PLGRKT: variants seen among roughly 807,000 people sequenced by gnomAD.
The protein encoded by PLGRKT is plasminogen receptor (KT).
A neutral mutation model predicts 18.5 loss-of-function variants in PLGRKT; 22 were observed. That is an observed-to-expected ratio of 1.19 (90% CI 0.85 to 1.70). PLGRKT has a LOEUF of 1.70. Ranked by LOEUF, PLGRKT falls within the 40% of genes most tolerant of loss-of-function variation. The pLI is 0.00. For missense variants in PLGRKT, 235 were observed against 174.4 expected, an observed-to-expected ratio of 1.35 and a Z score of -1.96; for synonymous variants, 72 against 52.8, an observed-to-expected ratio of 1.36 and a Z score of -1.58.
chr9:5,371,999 T>TTTTTTTTTTTTTTTTTTTTTTTTTTTG (rs1408834287), intron 3 of PLGRKT, among the ~76,000 whole-genome samples: 2 of 142,154 alleles, frequency 1.4e-5, no homozygotes, highest in Admixed American at 7.1e-5. Flanking sequence ...TTTTTTTTTT[T>TTTTTTTTTTTTTTTTTTTTTTTTTTTG]GATATGGAGT....
intron 3 of PLGRKT, among the ~76,000 whole-genome samples, chr9:5,378,182 A>G (rs2131088341): frequency 6.6e-6 from 1 of 152,320 alleles, no homozygotes. Flanking sequence ...GAGGGAAACC[A>G]ACAGCGTAAT....
chr9:5,427,145 T>C (rs970366665), intron 3 of PLGRKT, among the ~76,000 whole-genome samples: 12 of 152,236 alleles, frequency 7.9e-5, no homozygotes, highest in Middle Eastern at 3.2e-3. Flanking sequence ...CTGAGTAATG[T>C]GATAAAATCT....
chr9:5,362,018 C>G, intron 3 of PLGRKT, 130 bp from the exon 4 acceptor site: 1 of 871,448 alleles, frequency 1.1e-6, no homozygotes, highest in South Asian at 1.6e-5. Context: ...AAAATCTCAA[C>G]AGACTTTGAC....
rs543987753 is a variant in PLGRKT at position 5,431,199 on chromosome 9, T to C, written c.81+698A>G. The stretch of plus-strand genomic sequence containing the variant: ...CTTCAAAGCCAGCAGTGTAGCATCT[T>C]CAAATCTCTCTTATACTGACTCTCA... On this transcript the variant is annotated intron_variant, in intron 3 of 5. Transcript: ENST00000223864. Among the ~76,000 whole-genome samples the C allele has an allele frequency of 5.3e-5, 8 of 152,306 alleles. No individual in the cohort carries two copies. The South Asian group carries it at 1.4e-3, about 28-fold the overall frequency.
intron 3 of PLGRKT, among the ~76,000 whole-genome samples, chr9:5,410,227 A>T (rs1818335527): frequency 6.6e-6 from 1 of 152,062 alleles, no homozygotes; most frequent in Non-Finnish European, 1.5e-5. Flanking sequence ...CTCACTATAA[A>T]CTCAAGACAT....
chr9:5,437,302 T>C (rs188554447), intron 1 of PLGRKT, among the ~76,000 whole-genome samples: 229 of 152,326 alleles, frequency 1.5e-3, no homozygotes, highest in South Asian at 4.6e-3. Context: ...CCACGCTGAC[T>C]TATTTCCCGA....
At chr9:5,415,694 G>T (rs1313305449) in intron 3 of PLGRKT, among the ~76,000 whole-genome samples, 1 of 152,160 alleles carries the variant, frequency 6.6e-6, no homozygotes, top group African/African-American at 2.4e-5. Context: ...AAAGCATTTT[G>T]TGGTTTAAGA....
At chr9:5,365,252 T>C (rs1372111059) in intron 3 of PLGRKT, among the ~76,000 whole-genome samples, 1 of 152,188 alleles carries the variant, frequency 6.6e-6, no homozygotes, top group Non-Finnish European at 1.5e-5. Flanking sequence ...ATAATAATGA[T>C]GATGGAGTAT....
chr9:5,420,420 A>G (rs1054139236), intron 3 of PLGRKT, among the ~76,000 whole-genome samples: 3 of 152,158 alleles, frequency 2.0e-5, no homozygotes, highest in African/African-American at 7.2e-5. Context: ...TTTTTTCACA[A>G]GTGAAAAAAA....
Position 5,437,791 on chromosome 9 carries a change from G to C in PLGRKT, c.-135C>G, listed in dbSNP as rs1051063714. 21 of 152,430 alleles carry C rather than the reference G, an allele frequency of 1.4e-4. No individual in the cohort carries two copies. The highest frequency in any genetic ancestry group is 4.8e-4 in the African/African-American group (20 of 41,584). The allele number at this position is 152,430 out of a possible 1,614,324, so 9.4% of individuals were successfully genotyped here. ...GCCTGCGGCCGGTGTTCACTCACTG[G>C]GCGGCGCTGGTGCCGGGACCAGGCG... On this transcript the variant is annotated splice_region_variant and 5_prime_UTR_variant, in exon 1 of 6. Transcript: ENST00000223864.
chr9:5,411,195 C>G (rs1054579481), intron 3 of PLGRKT, among the ~76,000 whole-genome samples: 7 of 151,808 alleles, frequency 4.6e-5, no homozygotes, highest in Admixed American at 4.6e-4. Context: ...ATCAGCCTGG[C>G]CAATATGGTG....
rs530617259 is a variant in PLGRKT, at chr9:5,415,636, CAT to C, written c.81+16259_81+16260del. Among the ~76,000 whole-genome samples the C allele has an allele frequency of 5.9e-5, 9 of 152,254 alleles. No homozygotes were observed. The South Asian group carries it at 1.7e-3, about 28-fold the overall frequency. On this transcript the variant is annotated intron_variant, in intron 3 of 5. Coordinates refer to ENST00000223864, the MANE Select transcript of PLGRKT (RefSeq NM_018465.4). ...AAGGTTAACACCACTAGCAATAAGACATATCAACTTCATGTATCCTCTGATAC... is the reference window on the plus strand; with the variant it reads ...AAGGTTAACACCACTAGCAATAAGACATCAACTTCATGTATCCTCTGATAC...
In PLGRKT at chr9:5,395,945, G is replaced by A. The variant is rs1267951210; in HGVS notation, c.82-34057C>T. 3.4e-5 allele frequency among the ~76,000 whole-genome samples: 5 copies of A among 146,784 alleles called. 1 individual carries two copies. Among genetic ancestry groups the A allele is most frequent in the African/African-American group, 1.3e-4 (5 of 39,270 alleles). On this transcript the variant is annotated intron_variant, in intron 3 of 5. Transcript: ENST00000223864. ...GTCTCACTCTGTTGCCCAGACTGGCGTGAGGTGGCACAATCTTGGTTCACT... is the reference window on the plus strand; with the variant it reads ...GTCTCACTCTGTTGCCCAGACTGGCATGAGGTGGCACAATCTTGGTTCACT...
chr9:5,364,175 G>C (rs1200444033), intron 3 of PLGRKT, among the ~76,000 whole-genome samples: 1 of 152,126 alleles, frequency 6.6e-6, no homozygotes, highest in Non-Finnish European at 1.5e-5. Context: ...TAAACCAAGT[G>C]GGATCAATTA....
chr9:5,390,011 C>T (rs1190387361), intron 3 of PLGRKT, among the ~76,000 whole-genome samples: 1 of 151,594 alleles, frequency 6.6e-6, no homozygotes, highest in Non-Finnish European at 1.5e-5. Flanking sequence ...TCCAGAAGCA[C>T]CAGGAAGGTG....
At chr9:5,389,247 T>C (rs2131106855) in intron 3 of PLGRKT, among the ~76,000 whole-genome samples, 2 of 152,072 alleles carry the variant, frequency 1.3e-5, no homozygotes, top group Middle Eastern at 6.8e-3. Flanking sequence ...GCACTGCTAT[T>C]AGTCAGCAGG....
chr9:5,426,468 C>G (rs1818703727), intron 3 of PLGRKT, among the ~76,000 whole-genome samples: 2 of 152,060 alleles, frequency 1.3e-5, no homozygotes, highest in Non-Finnish European at 2.9e-5. Context: ...ATGTTTCTCT[C>G]TAGGCTGCCC....
chr9:5,390,214 TGC>T (rs1160210784), intron 3 of PLGRKT, among the ~76,000 whole-genome samples: 296 of 136,220 alleles, frequency 2.2e-3, no homozygotes, highest in Non-Finnish European at 4.1e-4. Flanking sequence ...TATATGTGTG[TGC>T]GTGTGTGTGT....
intron 3 of PLGRKT, among the ~76,000 whole-genome samples, chr9:5,410,975 TATG>T (rs1408923940): frequency 6.6e-6 from 1 of 152,206 alleles, no homozygotes; most frequent in Non-Finnish European, 1.5e-5. Flanking sequence ...TGGGTATTTG[TATG>T]ATAATATTTA....
Sources: allele counts gnomAD v4.1 joint callset (sites outside exome capture counted in the v4.1 genomes callset), GRCh38; gene constraint gnomAD v4.1.1; transcripts MANE v1.5; gene names NCBI Gene and HGNC (gene_info 2026-07-23, HGNC 2026-07-21).